SWT1: variants seen among roughly 807,000 people sequenced by gnomAD.
SWT1 encodes the protein SWT1 RNA endoribonuclease homolog.
In SWT1, 33 loss-of-function variants were observed where a neutral mutation model predicts 107.3. The ratio of observed to expected loss-of-function variants is 0.31; its 90% CI spans 0.23 to 0.41. The LOEUF is 0.41. Ranked by LOEUF, SWT1 falls within the 10% of genes least tolerant of loss-of-function variation. The pLI is 1.00. For synonymous variants in SWT1, 345 were observed against 348.3 expected (o/e 0.99, Z 0.11); for missense variants, 898 against 1,028.9 (o/e 0.87, Z 1.74).
rs1659070928 is a variant in SWT1, at chr1:185,214,581, A to G, written c.2047A>G (p.Thr683Ala). Reference sequence around the variant, plus strand: ...TAGAAGTTTGTTACATGCTTTCAGTACAAGGTCAAATTATGATGGTATTCT... The same window carrying G: ...TAGAAGTTTGTTACATGCTTTCAGTGCAAGGTCAAATTATGATGGTATTCT... ...DSRSLLHAFSTRSNYDGILPQ... is the reference protein window; with the variant it reads ...DSRSLLHAFSARSNYDGILPQ... The change falls in exon 14 of 19, where the codon ACA becomes GCA. Residue 683 changes from threonine (T) to alanine (A), a missense_variant. By Grantham distance (58) the Thr-to-Ala change is moderately conservative (BLOSUM62 0). This residue lies in a region of SWT1 where 382 missense variants were observed against 460.0 expected (regional missense o/e 0.83). Coordinates refer to ENST00000367500, the MANE Select transcript of SWT1 (RefSeq NM_017673.7). The G allele has an allele frequency of 1.2e-6, 2 of 1,612,484 alleles. No individual in the cohort carries two copies. Among genetic ancestry groups the G allele is most frequent in the African/African-American group, 2.7e-5 (2 of 74,860 alleles).
intron 14 of SWT1, among the ~76,000 whole-genome samples, chr1:185,217,215 G>A (rs1448306319): frequency 6.6e-6 from 1 of 152,114 alleles, no homozygotes; most frequent in Admixed American, 6.6e-5. Context: ...AGTAAACGAA[G>A]AACTTTATGA....
chr1:185,225,166 T>C (rs1659956968), intron 15 of SWT1, among the ~76,000 whole-genome samples: 1 of 152,210 alleles, frequency 6.6e-6, no homozygotes, highest in African/African-American at 2.4e-5. Context: ...TCTGCATCTA[T>C]TGAAATGATC....
intron 16 of SWT1, among the ~76,000 whole-genome samples, chr1:185,266,343 C>G (rs962297225): frequency 1.3e-5 from 2 of 152,220 alleles, no homozygotes; most frequent in Non-Finnish European, 2.9e-5. Context: ...GGATTACAGG[C>G]GTGAGCCACC....
At chr1:185,168,136 C>T (rs1654742169) in intron 3 of SWT1, among the ~76,000 whole-genome samples, 1 of 152,098 alleles carries the variant, frequency 6.6e-6, no homozygotes, top group South Asian at 2.1e-4. Context: ...GATGACTGCT[C>T]TGCTGTGGAC....
rs369963841 is a variant in SWT1, at chr1:185,203,583, C to T, written c.1669+784C>T. Among the ~76,000 whole-genome samples the T allele has an allele frequency of 1.3e-3, 192 of 149,768 alleles. 2 individuals are homozygous for T. Among genetic ancestry groups the T allele is most frequent in the South Asian group, 0.01 (48 of 4,758 alleles). On this transcript the variant is annotated intron_variant, in intron 11 of 18. Transcript: ENST00000367500. ...TTGCAGTGAGCCGAGATTGTGCCAT[C>T]GTACTCCAGCCTGGGCAACAAGAGC...
chr1:185,230,974 T>G (rs1296031378), intron 15 of SWT1, among the ~76,000 whole-genome samples: 1 of 152,164 alleles, frequency 6.6e-6, no homozygotes, highest in Admixed American at 6.6e-5. Flanking sequence ...GTCTCAAACT[T>G]CTGGCCTCAA....
intron 5 of SWT1, 37 bp downstream of exon 5, chr1:185,175,150 T>G (rs1285196044): frequency 7.2e-7 from 1 of 1,388,958 alleles, no homozygotes; most frequent in Non-Finnish European, 9.5e-7. Context: ...AGGTTTTAAC[T>G]GAGAGTTTAT....
At chr1:185,220,997 G>A (rs893168307) in intron 14 of SWT1, among the ~76,000 whole-genome samples, 4 of 152,058 alleles carry the variant, frequency 2.6e-5, no homozygotes, top group Non-Finnish European at 5.9e-5. Context: ...ATTCCTCTGG[G>A]GAAGTAATCA....
At chr1:185,160,765 A>G in intron 1 of SWT1, 68 bp from the exon 2 acceptor site, 3 of 1,151,698 alleles carry the variant, frequency 2.6e-6, no homozygotes, top group East Asian at 2.4e-5. Flanking sequence ...ATATAACTGA[A>G]AGAAGACAAA....
chr1:185,269,097 C>T (rs1324666658), intron 16 of SWT1, among the ~76,000 whole-genome samples: 4 of 152,102 alleles, frequency 2.6e-5, no homozygotes, highest in Non-Finnish European at 5.9e-5. Context: ...CGTGATTTGC[C>T]CGCCTCAGCC....
intron 16 of SWT1, among the ~76,000 whole-genome samples, chr1:185,237,252 A>T (rs10218496): frequency 2.0e-5 from 3 of 151,986 alleles, no homozygotes; most frequent in African/African-American, 7.3e-5. Context: ...ACATGCACAC[A>T]TATGTTTATT....
chr1:185,226,871 C>A, intron 15 of SWT1: 5 of 1,521,236 alleles, frequency 3.3e-6, no homozygotes, highest in Non-Finnish European at 3.5e-6. Flanking sequence ...CCCGATCTTT[C>A]TTCTGAGCAA....
chr1:185,255,421 C>T (rs1308367141), intron 16 of SWT1, among the ~76,000 whole-genome samples: 12 of 137,762 alleles, frequency 8.7e-5, no homozygotes, highest in Non-Finnish European at 1.7e-4. Flanking sequence ...GTCTAAGTCT[C>T]TTTGTAGGTC....
intron 11 of SWT1, among the ~76,000 whole-genome samples, chr1:185,203,428 G>A (rs2025228): frequency 0.01 from 1,572 of 152,186 alleles, 45 homozygotes; most frequent in East Asian, 0.064. Context: ...AGACCAGCCT[G>A]GCCAACATGG....
At chr1:185,282,112 TTACC>T (rs2102772471) in intron 18 of SWT1, among the ~76,000 whole-genome samples, 1 of 152,332 alleles carries the variant, frequency 6.6e-6, no homozygotes, top group East Asian at 1.9e-4. Context: ...TACTCATTCT[TTACC>T]TGTAAAACCA....
chr1:185,204,672 AT>A (rs1658167362), intron 11 of SWT1, 27 bp from the exon 12 acceptor site: 2 of 1,411,026 alleles, frequency 1.4e-6, no homozygotes, highest in Non-Finnish European at 1.9e-6. Flanking sequence ...AGCATTCTAA[AT>A]AAAGTCTGTA....
chr1:185,246,255 T>C (rs1410457541), intron 16 of SWT1, among the ~76,000 whole-genome samples: 2 of 152,060 alleles, frequency 1.3e-5, no homozygotes, highest in African/African-American at 4.8e-5. Flanking sequence ...GACAGATCTA[T>C]CCTGATTAGT....
chr1:185,177,561 A>G (rs1655671977), intron 5 of SWT1, among the ~76,000 whole-genome samples: 1 of 151,994 alleles, frequency 6.6e-6, no homozygotes, highest in South Asian at 2.1e-4. Flanking sequence ...TGTGTATATT[A>G]TCTTCAGCAT....
chr1:185,199,329 G>A (rs1657674069), intron 10 of SWT1, among the ~76,000 whole-genome samples: 1 of 152,186 alleles, frequency 6.6e-6, no homozygotes, highest in East Asian at 1.9e-4. Context: ...AGTTGATGCA[G>A]TTTCTTCATA....
Sources: gnomAD v4.1 joint callset for allele counts (sites outside exome capture counted in the v4.1 genomes callset) on GRCh38, gnomAD v4.1.1 for gene constraint, gnomAD v4.1.1 regional missense constraint, MANE v1.5 for transcripts, NCBI Gene and HGNC (gene_info 2026-07-23, HGNC 2026-07-21) for gene names.